Variants in ARHGEF28 observed in about 807,000 individuals in gnomAD.
The protein encoded by ARHGEF28 is Rho guanine nucleotide exchange factor 28, also known as 190 kDa guanine nucleotide exchange factor.
In ARHGEF28, 152 loss-of-function variants were observed where a neutral mutation model predicts 206.6. The ratio of observed to expected loss-of-function variants is 0.74; its 90% confidence interval spans 0.64 to 0.84. The LOEUF (loss-of-function observed/expected upper bound fraction) is 0.84. Ranked by LOEUF, ARHGEF28 falls within the 40% of genes least tolerant of loss-of-function variation. The pLI is 0.00. For synonymous variants in ARHGEF28, 763 were observed against 776.4 expected, an observed-to-expected ratio of 0.98 and a Z score of 0.29; for missense variants, 2,028 against 2,073.2, an observed-to-expected ratio of 0.98 and a Z score of 0.42.
chr5:73,758,563 ATT>A (rs10712825), intron 4 of ARHGEF28, among the ~76,000 whole-genome samples: 79 of 150,350 alleles, frequency 5.3e-4, no homozygotes, highest in Admixed American at 9.3e-4. Context: ...TTTTATTTTT[ATT>A]TTTTTTTTGA....
intron 7 of ARHGEF28, among the ~76,000 whole-genome samples, chr5:73,792,513 T>C (rs115448189): frequency 0.013 from 2,025 of 152,326 alleles, 20 homozygotes; most frequent in Middle Eastern, 0.041. Context: ...ATAATGATCA[T>C]TTAAGAGTTT....
intron 2 of ARHGEF28, among the ~76,000 whole-genome samples, chr5:73,749,445 T>C (rs1035411794): frequency 2.0e-5 from 3 of 152,192 alleles, no homozygotes; most frequent in Admixed American, 1.3e-4. Context: ...AGTGGGAGGA[T>C]TGCTTGCGCA....
At chr5:73,715,118 A>C (rs1293311973) in intron 2 of ARHGEF28, among the ~76,000 whole-genome samples, 5 of 152,226 alleles carry the variant, frequency 3.3e-5, no homozygotes, top group Non-Finnish European at 7.3e-5. Context: ...CTTAATTGCA[A>C]GCAACAGAAC....
intron 1 of ARHGEF28, among the ~76,000 whole-genome samples, chr5:73,627,951 C>A (rs1419644931): frequency 1.3e-5 from 2 of 151,936 alleles, no homozygotes; most frequent in African/African-American, 4.8e-5. Flanking sequence ...GTATAGCAGG[C>A]GTGTCATTAG....
intron 35 of ARHGEF28, among the ~76,000 whole-genome samples, chr5:73,916,600 A>C (rs747306916): frequency 2.0e-5 from 3 of 152,126 alleles, no homozygotes; most frequent in Non-Finnish European, 2.9e-5. Flanking sequence ...TATATCAGTG[A>C]TATTGGATTA....
At chr5:73,817,663 A>G (rs1045904246) in intron 9 of ARHGEF28, among the ~76,000 whole-genome samples, 1 of 152,214 alleles carries the variant, frequency 6.6e-6, no homozygotes, top group African/African-American at 2.4e-5. Context: ...TGTGATTGTC[A>G]TCTTCATTTA....
chr5:73,807,425 A>C (rs1343818242), intron 9 of ARHGEF28, among the ~76,000 whole-genome samples: 1 of 151,798 alleles, frequency 6.6e-6, no homozygotes, highest in African/African-American at 2.4e-5. Flanking sequence ...TAAGATATTC[A>C]TCTAGGTAGA....
chr5:73,666,788 C>A (rs1745984161), intron 1 of ARHGEF28, among the ~76,000 whole-genome samples: 1 of 152,152 alleles, frequency 6.6e-6, no homozygotes, highest in Admixed American at 6.5e-5. Context: ...AAAGTGTATG[C>A]TAAGTGAGGT....
At chr5:73,869,510 A>G (rs771214246) in intron 20 of ARHGEF28, among the ~76,000 whole-genome samples, 22 of 152,204 alleles carry the variant, frequency 1.4e-4, no homozygotes, top group Admixed American at 7.8e-4. Context: ...AAGAATCTTC[A>G]AATGTCTTTT....
At chr5:73,835,485 C>T (rs1197550909) in intron 10 of ARHGEF28, among the ~76,000 whole-genome samples, 3 of 140,990 alleles carry the variant, frequency 2.1e-5, no homozygotes, top group African/African-American at 7.7e-5. Context: ...AAAAAAAAAA[C>T]CCAAAAGGAC....
intron 23 of ARHGEF28, among the ~76,000 whole-genome samples, chr5:73,883,543 A>C (rs1354231029): frequency 6.6e-6 from 1 of 152,196 alleles, no homozygotes; most frequent in Non-Finnish European, 1.5e-5. Context: ...AACTACAAAT[A>C]CATCAGTAAC....
At chr5:73,865,772 A>C (rs183648549) in intron 17 of ARHGEF28, among the ~76,000 whole-genome samples, 193 bp from the exon 18 acceptor site, 1 of 152,202 alleles carries the variant, frequency 6.6e-6, no homozygotes. Context: ...AGGCCCCTTC[A>C]TTATAACTTG....
intron 4 of ARHGEF28, among the ~76,000 whole-genome samples, chr5:73,765,834 A>G (rs1752862295): frequency 6.6e-6 from 1 of 152,136 alleles, no homozygotes; most frequent in Non-Finnish European, 1.5e-5. Flanking sequence ...ATTTAATGTG[A>G]ATCAAAAAAA....
chr5:73,794,047 G>T lies in ARHGEF28; in HGVS notation c.911-355G>T, dbSNP rs35597030. 3.9e-3 allele frequency among the ~76,000 whole-genome samples: 592 copies of T among 152,262 alleles called. 5 individuals are homozygous for T. The highest frequency in any genetic ancestry group is 3.9e-3 in the Non-Finnish European group (262 of 68,008). On this transcript the variant is annotated intron_variant, in intron 7 of 35. Coordinates refer to ENST00000513042, the MANE Select transcript of ARHGEF28 (RefSeq NM_001177693.2). ...AGACATGTGGGATTTCCTCAGGTGG[G>T]TACGAGTCACGTCCTTACAATCTGC...
At chr5:73,708,559 A>G (rs775012027) in intron 2 of ARHGEF28, among the ~76,000 whole-genome samples, 1 of 152,210 alleles carries the variant, frequency 6.6e-6, no homozygotes, top group Non-Finnish European at 1.5e-5. Flanking sequence ...TTATGGCTGA[A>G]TAGTATTCCA....
intron 1 of ARHGEF28, among the ~76,000 whole-genome samples, chr5:73,660,915 T>A (rs764895877): frequency 6.6e-6 from 1 of 152,168 alleles, no homozygotes; most frequent in Non-Finnish European, 1.5e-5. Context: ...CTAAGGGCCC[T>A]AGGACTTTTG....
chr5:73,889,117 A>G (rs1761475680), intron 26 of ARHGEF28, among the ~76,000 whole-genome samples: 1 of 152,206 alleles, frequency 6.6e-6, no homozygotes, highest in Non-Finnish European at 1.5e-5. Context: ...CACTGTAGGA[A>G]ATTGAAGCAT....
intron 11 of ARHGEF28, among the ~76,000 whole-genome samples, chr5:73,842,489 G>T (rs896491752): frequency 6.6e-6 from 1 of 152,130 alleles, no homozygotes; most frequent in Non-Finnish European, 1.5e-5. Context: ...TAAAAGACTT[G>T]CTTTAGATTT....
chr5:73,917,232 T>A (rs1393244351), intron 35 of ARHGEF28, among the ~76,000 whole-genome samples: 4 of 152,202 alleles, frequency 2.6e-5, no homozygotes, highest in Non-Finnish European at 5.9e-5. Flanking sequence ...AAATTATTAT[T>A]CAGAGATATA....
Sources: gnomAD v4.1 joint callset for allele counts (sites outside exome capture counted in the v4.1 genomes callset) on GRCh38, gnomAD v4.1.1 for gene constraint, MANE v1.5 for transcripts, NCBI Gene and HGNC (gene_info 2026-07-23, HGNC 2026-07-21) for gene names.